MAPK8: variants seen among roughly 807,000 people sequenced by gnomAD.
MAPK8 encodes JUN N-terminal kinase.
MAPK8 carries 13 observed loss-of-function variants against 52.9 expected under a neutral mutation model. That is an observed-to-expected ratio of 0.25 (90% CI 0.16 to 0.39). The LOEUF is 0.39. Among genes scored for constraint, MAPK8 ranks in the 10% least tolerant of loss-of-function variants. The probability of loss-of-function intolerance (pLI) is 1.00; values close to 1 mark genes in which losing one functional copy is unlikely to be tolerated. For missense variants in MAPK8, 300 were observed against 519.2 expected (o/e 0.58, Z 4.10); for synonymous variants, 191 against 169.8 (o/e 1.12, Z -0.97).
chr10:48,319,045 A>T (rs1388337212), intron 1 of MAPK8, among the ~76,000 whole-genome samples: 1 of 152,212 alleles, frequency 6.6e-6, no homozygotes, highest in Non-Finnish European at 1.5e-5. Context: ...ATTAGTCCTG[A>T]TACAGGAGAT....
intron 1 of MAPK8, among the ~76,000 whole-genome samples, chr10:48,372,302 A>G (rs1256000249): frequency 6.6e-6 from 1 of 152,152 alleles, no homozygotes; most frequent in Non-Finnish European, 1.5e-5. Flanking sequence ...TCCAAAAACC[A>G]GAACACCTCT....
chr10:48,367,811 A>G (rs914274092), intron 1 of MAPK8, among the ~76,000 whole-genome samples: 2 of 152,204 alleles, frequency 1.3e-5, no homozygotes, highest in Non-Finnish European at 1.5e-5. Flanking sequence ...AATGGCATAT[A>G]TTTGAACACT....
intron 1 of MAPK8, among the ~76,000 whole-genome samples, chr10:48,313,207 C>T (rs191933899): frequency 1.4e-4 from 21 of 152,180 alleles, no homozygotes; most frequent in Admixed American, 7.9e-4. Context: ...CCGAGGCGGG[C>T]GGATCACCTG....
chr10:48,330,247 C>T (rs994618389), intron 1 of MAPK8, among the ~76,000 whole-genome samples: 1 of 152,096 alleles, frequency 6.6e-6, no homozygotes, highest in Admixed American at 6.5e-5. Context: ...TGCAGCATTG[C>T]TTTTTTTGTA....
intron 1 of MAPK8, among the ~76,000 whole-genome samples, chr10:48,395,429 G>T (rs566360897): frequency 4.2e-4 from 64 of 152,082 alleles, no homozygotes; most frequent in African/African-American, 1.4e-3. Flanking sequence ...TTTAACAAAT[G>T]ATTTTTGGAC....
In MAPK8 at chr10:48,404,909, A is replaced by G. The variant is rs139947100; in HGVS notation, c.180A>G (p.Pro60=). 44 of 1,610,850 alleles carry G rather than the reference A, an allele frequency of 2.7e-5. No homozygotes were observed. The African/African-American group carries it at 3.6e-4, about 13-fold the overall frequency. ...TTGCAATCAAGAAGCTAAGCCGACC[A>G]TTTCAGAATCAGACTCATGCCAAGC... ...RNVAIKKLSR[P]FQNQTHAKRA... is the part of the protein sequence containing the mutation. The change falls in exon 3 of 12, where the codon CCA becomes CCG. Residue 60 remains proline, a synonymous_variant. Transcript: ENST00000374189.
intron 7 of MAPK8, among the ~76,000 whole-genome samples, chr10:48,425,007 A>G (rs2043589122): frequency 6.6e-6 from 1 of 151,978 alleles, no homozygotes; most frequent in African/African-American, 2.4e-5. Flanking sequence ...TTGTTGTCTC[A>G]TTACTCACAT....
At chr10:48,405,224 G>A (rs1249914129) in intron 3 of MAPK8, among the ~76,000 whole-genome samples, 1 of 151,678 alleles carries the variant, frequency 6.6e-6, no homozygotes, top group Non-Finnish European at 1.5e-5. Flanking sequence ...ATTTACAAAA[G>A]GAGTTTTAAA....
At chr10:48,414,762 T>C (rs965435092) in intron 5 of MAPK8, among the ~76,000 whole-genome samples, 4 of 151,836 alleles carry the variant, frequency 2.6e-5, no homozygotes, top group Non-Finnish European at 5.9e-5. Context: ...TTTATTTTTT[T>C]GTAGAGACGG....
intron 3 of MAPK8, among the ~76,000 whole-genome samples, chr10:48,407,144 T>C (rs944603999): frequency 3.9e-5 from 6 of 152,226 alleles, no homozygotes; most frequent in Non-Finnish European, 7.3e-5. Flanking sequence ...TTCTTCCTTG[T>C]TCTGACTTTT....
At chr10:48,354,463 A>G (rs1846649988) in intron 1 of MAPK8, among the ~76,000 whole-genome samples, 2 of 152,234 alleles carry the variant, frequency 1.3e-5, no homozygotes, top group Admixed American at 6.5e-5. Flanking sequence ...CCATCCTTCA[A>G]GATTGCAGGG....
At position 48,389,338 on chromosome 10, in the gene MAPK8, G is replaced by A. The variant is rs141176806; in HGVS notation, c.-49-12274G>A. Among the ~76,000 whole-genome samples, 220 of 152,212 alleles carry A rather than the reference G, an allele frequency of 1.4e-3. 1 individual carries two copies. The highest frequency in any genetic ancestry group is 5.2e-3 in the African/African-American group (216 of 41,530). On this transcript the variant is annotated intron_variant, in intron 1 of 11. Coordinates refer to ENST00000374189, the MANE Select transcript of MAPK8 (RefSeq NM_001323329.2). ...TTCTGAAAGTAGTGAGACTTCATTC[G>A]TTAGAGCTAACCTCATAGTGCTCAC...
chr10:48,344,589 T>C (rs1242738566), intron 1 of MAPK8, among the ~76,000 whole-genome samples: 1 of 152,254 alleles, frequency 6.6e-6, no homozygotes, highest in Non-Finnish European at 1.5e-5. Flanking sequence ...GTTGATATAC[T>C]GCCTAGCTTC....
intron 1 of MAPK8, among the ~76,000 whole-genome samples, chr10:48,329,393 A>G (rs528331533): frequency 6.6e-6 from 1 of 152,212 alleles, no homozygotes; most frequent in East Asian, 1.9e-4. Context: ...TGAGATCCCT[A>G]ATTGGAAGAA....
rs71465463 is a variant in MAPK8 at position 48,403,917 on chromosome 10, T to TTGTGTGTGTGTGTGTG, written c.123-909_123-894dup. On this transcript the variant is annotated intron_variant, in intron 2 of 11. Coordinates refer to ENST00000374189, the MANE Select transcript of MAPK8 (RefSeq NM_001323329.2). ...GTGCCTGCCACCACGCCCGGCTAAT[T>TTGTGTGTGTGTGTGTG]TGTGTGTGTGTGTGTGTGTGTGTGT... 2.2e-3 allele frequency among the ~76,000 whole-genome samples: 278 copies of TTGTGTGTGTGTGTGTG among 125,740 alleles called. 2 individuals are homozygous for TTGTGTGTGTGTGTGTG. Among genetic ancestry groups the TTGTGTGTGTGTGTGTG allele is most frequent in the African/African-American group, 7.9e-3 (248 of 31,498 alleles). The allele number at this position is 125,740 out of a possible 152,430, so 82.5% of individuals were successfully genotyped here.
At chr10:48,374,247 C>A (rs1208105532) in intron 1 of MAPK8, among the ~76,000 whole-genome samples, 1 of 151,814 alleles carries the variant, frequency 6.6e-6, no homozygotes, top group Admixed American at 6.6e-5. Context: ...TTTAAGCATG[C>A]CTAGAGGAAA....
chr10:48,424,375 C>T (rs935494674), intron 7 of MAPK8: 5 of 644,912 alleles, frequency 7.8e-6, no homozygotes, highest in African/African-American at 1.9e-5. Context: ...AGTCAGAGCA[C>T]ATTCACTGTC....
At chr10:48,408,063 A>G (rs2133056530) in intron 3 of MAPK8, among the ~76,000 whole-genome samples, 1 of 152,322 alleles carries the variant, frequency 6.6e-6, no homozygotes, top group East Asian at 1.9e-4. Flanking sequence ...ATATTTAAAT[A>G]CCTTATGTAA....
At chr10:48,356,160 A>G (rs1846913445) in intron 1 of MAPK8, among the ~76,000 whole-genome samples, 1 of 152,216 alleles carries the variant, frequency 6.6e-6, no homozygotes, top group South Asian at 2.1e-4. Context: ...CTAAACAAAC[A>G]TTTTTATAAA....
Sources: allele counts gnomAD v4.1 joint callset (sites outside exome capture counted in the v4.1 genomes callset), GRCh38; gene constraint gnomAD v4.1.1; transcripts MANE v1.5; gene names NCBI Gene and HGNC (gene_info 2026-07-23, HGNC 2026-07-21).